The following NDUFAF6 variants were observed in gnomAD, a reference collection of about 807,000 sequenced individuals.
NDUFAF6 encodes NADH dehydrogenase (ubiquinone) complex I, assembly factor 6.
In NDUFAF6, 45 loss-of-function variants were observed where a neutral mutation model predicts 40.8. That is an observed-to-expected ratio of 1.10 (90% confidence interval 0.87 to 1.42). The LOEUF is 1.42. Among genes scored for constraint, NDUFAF6 ranks in the 40% most tolerant of loss-of-function variants. NDUFAF6 has a pLI of 0.00. For missense variants in NDUFAF6, 435 were observed against 418.5 expected, an observed-to-expected ratio of 1.04 and a Z score of -0.34; for synonymous variants, 185 against 155.9, an observed-to-expected ratio of 1.19 and a Z score of -1.39.
intron 9 of NDUFAF6, among the ~76,000 whole-genome samples, chr8:95,069,799 A>G (rs1832793403): frequency 6.9e-6 from 1 of 145,160 alleles, no homozygotes; most frequent in Admixed American, 6.9e-5. Flanking sequence ...AAAAAATTAT[A>G]TATATATATA....
At chr8:94,938,272 T>A (rs760124740) in intron 1 of NDUFAF6, among the ~76,000 whole-genome samples, 1 of 152,356 alleles carries the variant, frequency 6.6e-6, no homozygotes, top group Admixed American at 6.5e-5. Flanking sequence ...AATGAATTAC[T>A]GACTGAATGG....
chr8:95,102,815 C>T (rs560624786), intron 2 of NDUFAF6, among the ~76,000 whole-genome samples: 2 of 152,216 alleles, frequency 1.3e-5, no homozygotes, highest in African/African-American at 4.8e-5. Flanking sequence ...GTCTCTTCAG[C>T]GCCCTCTACT....
chr8:95,065,076 C>G (rs982112160), intron 9 of NDUFAF6, among the ~76,000 whole-genome samples: 1 of 152,160 alleles, frequency 6.6e-6, no homozygotes, highest in African/African-American at 2.4e-5. Flanking sequence ...TGTCACCATG[C>G]AGCTCTTCAT....
upstream of NDUFAF6, among the ~76,000 whole-genome samples, chr8:94,955,389 T>C (rs1822989074): frequency 6.6e-6 from 1 of 152,218 alleles, no homozygotes; most frequent in Non-Finnish European, 1.5e-5. Flanking sequence ...TCCACTCCTG[T>C]GATAACTAAC....
intron 2 of NDUFAF6, among the ~76,000 whole-genome samples, chr8:94,945,892 A>G (rs1821943342): frequency 6.6e-6 from 1 of 152,192 alleles, no homozygotes; most frequent in Non-Finnish European, 1.5e-5. Context: ...CAGAAAAGAA[A>G]CAAAGTGTCT....
Position 95,025,001 on chromosome 8 carries a change from C to T in NDUFAF6, c.-8C>T, listed in dbSNP as rs1192734624. On this transcript the variant is annotated 5_prime_UTR_variant, in exon 1 of 9. Coordinates refer to ENST00000396124, the MANE Select transcript of NDUFAF6 (RefSeq NM_152416.4). ...GCGGGGGGTCGAAGGGCACGCAGTGCCGGCGTCATGGCGGCCTCCGCGCAC... is the reference window on the plus strand; with the variant it reads ...GCGGGGGGTCGAAGGGCACGCAGTGTCGGCGTCATGGCGGCCTCCGCGCAC... 1 of 1,338,448 alleles carries T rather than the reference C, an allele frequency of 7.5e-7. No homozygotes were observed. The highest frequency in any genetic ancestry group is 9.5e-7 in the Non-Finnish European group (1 of 1,052,190). The allele number at this position is 1,338,448 out of a possible 1,614,324, so 82.9% of individuals were successfully genotyped here. A position where few individuals can be genotyped will look rare whatever the true frequency, so the allele number is the denominator to read the frequency against.
At chr8:95,011,231 C>A (rs1827215843) in intron 2 of NDUFAF6, among the ~76,000 whole-genome samples, 1 of 152,182 alleles carries the variant, frequency 6.6e-6, no homozygotes, top group Non-Finnish European at 1.5e-5. Flanking sequence ...GGAGGAGACG[C>A]CACCTTTCAT....
chr8:94,900,997 A>G (rs1249824395), intron 1 of NDUFAF6, among the ~76,000 whole-genome samples: 1 of 152,244 alleles, frequency 6.6e-6, no homozygotes, highest in Admixed American at 6.5e-5. Flanking sequence ...TGTGTCAGAT[A>G]GTAATAACTA....
chr8:95,071,184 A>G lies in NDUFAF6; in HGVS notation c.*512-4449A>G, dbSNP rs537988404. 8.6e-5 allele frequency among the ~76,000 whole-genome samples: 13 copies of G among 152,006 alleles called. No homozygotes were observed. The East Asian group carries it at 2.5e-3, about 29-fold the overall frequency. Reference sequence around the variant, plus strand: ...GGTGGGCGGATCACGAGGTCAGGAAATCAAGACCATCCTGGCTAACACGGT... The same window carrying G: ...GGTGGGCGGATCACGAGGTCAGGAAGTCAAGACCATCCTGGCTAACACGGT... On this transcript the variant is annotated intron_variant and NMD_transcript_variant, in intron 9 of 9. Coordinates refer to the NDUFAF6 transcript ENST00000520757.
intron 1 of NDUFAF6, among the ~76,000 whole-genome samples, chr8:94,961,254 TCTC>T (rs1208553898): frequency 6.6e-6 from 1 of 152,174 alleles, no homozygotes; most frequent in Non-Finnish European, 1.5e-5. Flanking sequence ...ATATAAAACT[TCTC>T]CTCCTTCCTT....
At chr8:94,984,099 AC>A (rs1444367684) in intron 2 of NDUFAF6, 1 of 152,220 alleles carries the variant, frequency 6.6e-6, no homozygotes, top group Non-Finnish European at 1.5e-5. Flanking sequence ...GATAGAATGG[AC>A]TTCCAAGCTC....
chr8:95,098,438 C>T (rs1157904165), upstream of NDUFAF6, among the ~76,000 whole-genome samples: 1 of 151,970 alleles, frequency 6.6e-6, no homozygotes, highest in African/African-American at 2.4e-5. Context: ...GAGGCCGAGG[C>T]GGGCAGATCA....
chr8:94,916,348 A>G (rs936792447), intron 1 of NDUFAF6, among the ~76,000 whole-genome samples: 1 of 152,188 alleles, frequency 6.6e-6, no homozygotes, highest in Non-Finnish European at 1.5e-5. Context: ...CAATAGGACT[A>G]TTGTCCACTA....
At chr8:94,938,606 C>A (rs969698392) in intron 1 of NDUFAF6, among the ~76,000 whole-genome samples, 3 of 152,130 alleles carry the variant, frequency 2.0e-5, no homozygotes, top group Non-Finnish European at 4.4e-5. Flanking sequence ...CACCAATGGC[C>A]AATGATTTAA....
intron 1 of NDUFAF6, among the ~76,000 whole-genome samples, chr8:94,941,814 G>C (rs764068374): frequency 3.3e-5 from 5 of 152,196 alleles, no homozygotes; most frequent in Non-Finnish European, 7.3e-5. Context: ...CTACCTTAGG[G>C]AGTTCTGGTG....
At chr8:94,996,017 AT>A (rs1466098962) in intron 2 of NDUFAF6, among the ~76,000 whole-genome samples, 1 of 152,050 alleles carries the variant, frequency 6.6e-6, no homozygotes, top group African/African-American at 2.4e-5. Flanking sequence ...ACCTCAGGTG[AT>A]CCATCCACCT....
chr8:95,001,337 C>A (rs1037509609), intron 2 of NDUFAF6, among the ~76,000 whole-genome samples: 2 of 152,070 alleles, frequency 1.3e-5, no homozygotes, highest in Non-Finnish European at 2.9e-5. Flanking sequence ...TTCTGACCCC[C>A]TGGGAAATCT....
Position 95,047,082 on chromosome 8 carries a change from T to C in NDUFAF6, c.669T>C (p.His223=). 3.1e-6 allele frequency: 5 copies of C among 1,614,184 alleles called. No individual in the cohort carries two copies. The highest frequency in any genetic ancestry group is 4.2e-6 in the Non-Finnish European group (5 of 1,180,026). Reference sequence around the variant, plus strand: ...CTTGCTTGAGAGCAACACCATATCATGGGAGCAGAAGAAAGGTGTTCCTTC... The same window carrying C: ...CTTGCTTGAGAGCAACACCATATCACGGGAGCAGAAGAAAGGTGTTCCTTC... ...IVTCLRATPY[H]GSRRKVFLPM... Residue 223 remains histidine (H), a synonymous_variant, in exon 6 of 9, where the codon CAT becomes CAC. Coordinates refer to ENST00000396124, the MANE Select transcript of NDUFAF6 (RefSeq NM_152416.4).
chr8:95,078,331 G>A (rs892326569), downstream of NDUFAF6, among the ~76,000 whole-genome samples: 1 of 152,078 alleles, frequency 6.6e-6, no homozygotes, highest in African/African-American at 2.4e-5. Context: ...GAATCATGCA[G>A]AATAGTTTCA....
Sources: allele counts gnomAD v4.1 joint callset (sites outside exome capture counted in the v4.1 genomes callset), GRCh38; gene constraint gnomAD v4.1.1; transcripts MANE v1.5; gene names NCBI Gene and HGNC (gene_info 2026-07-23, HGNC 2026-07-21).